The following NOL4L variants were observed in gnomAD, a reference collection of about 807,000 sequenced individuals.
NOL4L encodes the protein nucleolar protein 4 like, also known as nucleolar protein 4-like.
NOL4L carries 7 observed loss-of-function variants against 64.5 expected under a neutral mutation model. The ratio of observed to expected loss-of-function variants is 0.11; its 90% CI spans 0.06 to 0.20. NOL4L has a LOEUF of 0.20. Ranked by LOEUF, NOL4L falls within the 10% of genes least tolerant of loss-of-function variation. The probability of loss-of-function intolerance (pLI) is 1.00; values close to 1 mark genes in which losing one functional copy is unlikely to be tolerated. For synonymous variants in NOL4L, 413 were observed against 401.0 expected (o/e 1.03, Z -0.36); for missense variants, 680 against 967.1 (o/e 0.70, Z 3.94).
intron 4 of NOL4L, among the ~76,000 whole-genome samples, chr20:32,502,676 C>T (rs533119174): frequency 6.4e-4 from 97 of 151,628 alleles, no homozygotes; most frequent in African/African-American, 2.1e-3. Context: ...TTTGGGAAGC[C>T]GAGGCGGGTG....
chr20:32,456,437 T>G, intron 5 of NOL4L, 42 bp from the exon 6 acceptor site: 1 of 1,426,086 alleles, frequency 7.0e-7, no homozygotes, highest in Middle Eastern at 2.2e-4. Context: ...CCCAAGGCAC[T>G]GTGGCCACTG....
chr20:32,509,678 T>C, intron 4 of NOL4L: 1 of 1,094,594 alleles, frequency 9.1e-7, no homozygotes, highest in Non-Finnish European at 1.2e-6. Flanking sequence ...ACTCCCCTCC[T>C]TCCATTGACG....
intron 5 of NOL4L, among the ~76,000 whole-genome samples, chr20:32,468,258 C>A (rs1271209989): frequency 1.3e-5 from 2 of 152,216 alleles, no homozygotes; most frequent in East Asian, 3.9e-4. Context: ...CCCTTCCATG[C>A]CAGACCCTCC....
chr20:32,500,429 T>C (rs293557), intron 4 of NOL4L, among the ~76,000 whole-genome samples: 28,880 of 150,402 alleles, frequency 0.19, 5,388 homozygotes, highest in African/African-American at 0.49. Flanking sequence ...TCTCGGCTCA[T>C]TGCAAGCTCC....
intron 4 of NOL4L, among the ~76,000 whole-genome samples, chr20:32,505,689 C>T (rs1377167799): frequency 6.6e-6 from 1 of 152,218 alleles, no homozygotes; most frequent in Non-Finnish European, 1.5e-5. Context: ...GCACTCCAGC[C>T]TGGGTGACAG....
At chr20:32,473,880 C>T (rs1230540893) in intron 5 of NOL4L, among the ~76,000 whole-genome samples, 1 of 152,226 alleles carries the variant, frequency 6.6e-6, no homozygotes, top group Non-Finnish European at 1.5e-5. Flanking sequence ...GCTGTGCTCA[C>T]AGGGCCACCT....
intron 1 of NOL4L, among the ~76,000 whole-genome samples, chr20:32,538,142 A>C (rs1174655649): frequency 6.6e-6 from 1 of 152,120 alleles, no homozygotes; most frequent in Non-Finnish European, 1.5e-5. Flanking sequence ...AGCTGCTTGG[A>C]AGTCATTCTA....
chr20:32,452,561 A>G, intron 9 of NOL4L, 124 bp from the exon 10 acceptor site: 1 of 947,286 alleles, frequency 1.1e-6, no homozygotes, highest in South Asian at 1.8e-5. Context: ...CTGCGGTTTG[A>G]CCTGTGGGAT....
chr20:32,558,514 A>G (rs1978798848), intron 1 of NOL4L, among the ~76,000 whole-genome samples: 1 of 152,136 alleles, frequency 6.6e-6, no homozygotes, highest in South Asian at 2.1e-4. Context: ...TGTTTTACCA[A>G]TGAAGAAACT....
intron 1 of NOL4L, chr20:32,573,593 T>G (rs996546085): frequency 5.2e-6 from 1 of 190,694 alleles, no homozygotes; most frequent in Admixed American, 5.2e-5. Flanking sequence ...AGAAGGAGGA[T>G]ATAACTGAAT....
At chr20:32,564,265 G>A (rs542994147) in intron 1 of NOL4L, among the ~76,000 whole-genome samples, 33 of 152,340 alleles carry the variant, frequency 2.2e-4, no homozygotes, top group African/African-American at 7.9e-4. Context: ...AGGTGTACAG[G>A]GAGCTAACGA....
intron 1 of NOL4L, among the ~76,000 whole-genome samples, chr20:32,534,670 C>T (rs867218532): frequency 5.3e-5 from 8 of 151,904 alleles, no homozygotes; most frequent in Admixed American, 2.6e-4. Flanking sequence ...CTGGGCAATA[C>T]GGTGACCCCC....
chr20:32,574,470 T>C (rs186139053), intron 1 of NOL4L, among the ~76,000 whole-genome samples: 27 of 152,284 alleles, frequency 1.8e-4, no homozygotes, highest in African/African-American at 5.5e-4. Context: ...TGCAGGGTGC[T>C]TGAGGACTGT....
Position 32,451,653 on chromosome 20 carries a change from C to A in NOL4L, c.1822+583G>T, listed in dbSNP as rs62206934. On this transcript the variant is annotated intron_variant, in intron 10 of 10. Coordinates refer to ENST00000621426, the MANE Select transcript of NOL4L (RefSeq NM_001256798.2). The stretch of plus-strand genomic sequence containing the variant: ...GAGGGAGCAGGTGTGCACCATCACC[C>A]CAGGTGTCTCAGATGTAGGCTCCAT... The A allele has an allele frequency of 8.2e-3, 1,252 of 152,496 alleles. 12 individuals are homozygous for A. Among genetic ancestry groups the A allele is most frequent in the African/African-American group, 0.021 (865 of 41,590 alleles). The allele number at this position is 152,496 out of a possible 1,614,324, so 9.4% of individuals were successfully genotyped here. A position where few individuals can be genotyped will look rare whatever the true frequency, so the allele number is the denominator to read the frequency against.
chr20:32,502,942 A>T (rs1443617846), intron 4 of NOL4L, among the ~76,000 whole-genome samples: 2 of 152,134 alleles, frequency 1.3e-5, no homozygotes, highest in African/African-American at 4.8e-5. Flanking sequence ...AAATAAATAA[A>T]TGCAAAGAAA....
intron 5 of NOL4L, among the ~76,000 whole-genome samples, chr20:32,458,205 C>T (rs2013733885): frequency 6.6e-6 from 1 of 152,216 alleles, no homozygotes; most frequent in African/African-American, 2.4e-5. Flanking sequence ...CGGCCCACAG[C>T]CACTGGCACT....
intron 5 of NOL4L, among the ~76,000 whole-genome samples, chr20:32,457,919 C>A (rs557223156): frequency 1.3e-5 from 2 of 152,210 alleles, no homozygotes; most frequent in Non-Finnish European, 2.9e-5. Context: ...TTACTGAGCA[C>A]CTACTGAGTG....
At chr20:32,487,152 C>T (rs2145507391) in intron 4 of NOL4L, among the ~76,000 whole-genome samples, 1 of 152,214 alleles carries the variant, frequency 6.6e-6, no homozygotes, top group South Asian at 2.1e-4. Flanking sequence ...CCTGTAATCC[C>T]AGCTACTCGG....
Position 32,445,480 on chromosome 20 carries a change from A to G in NOL4L, c.*2116T>C, listed in dbSNP as rs1485155317. On this transcript the variant is annotated 3_prime_UTR_variant, in exon 11 of 11. Transcript: ENST00000621426. ...AGGTTTTAACATTAAGATTTTCACA[A>G]ATAATTGCCTGGGGTAACATTTTTG... 1 of 151,644 alleles carries G rather than the reference A, an allele frequency of 6.6e-6. No homozygotes were observed. The highest frequency in any genetic ancestry group is 2.4e-5 in the African/African-American group (1 of 40,896). 9.4% of individuals were successfully genotyped at this position (151,644 alleles called of 1,614,324 possible). A position where few individuals can be genotyped will look rare whatever the true frequency, so the allele number is the denominator to read the frequency against.
Sources: gnomAD v4.1 joint callset for allele counts (sites outside exome capture counted in the v4.1 genomes callset) on GRCh38, gnomAD v4.1.1 for gene constraint, MANE v1.5 for transcripts, NCBI Gene and HGNC (gene_info 2026-07-23, HGNC 2026-07-21) for gene names.